The following DAB1 variants were observed in gnomAD, a reference collection of about 807,000 sequenced individuals.
The protein encoded by DAB1 is disabled homolog 1.
In DAB1, 15 loss-of-function variants were observed where a neutral mutation model predicts 64.6. The observed-to-expected ratio is 0.23, with a 90% CI of 0.16 to 0.36. DAB1 has a LOEUF of 0.36. DAB1 is among the 10% of genes least tolerant of loss of function. DAB1 has a pLI of 1.00. For missense variants in DAB1, 596 were observed against 706.7 expected (o/e 0.84, Z 1.78); for synonymous variants, 235 against 251.9 (o/e 0.93, Z 0.64).
At chr1:57,312,221 G>A (rs1181660533) in intron 1 of DAB1, among the ~76,000 whole-genome samples, 1 of 152,210 alleles carries the variant, frequency 6.6e-6, no homozygotes, top group Non-Finnish European at 1.5e-5. Context: ...AGAACTAGAT[G>A]AGAGTTTAGA....
rs976367357 is a variant in DAB1 at position 57,735,216 on chromosome 1, C to A, written n.552-85551G>T. 7.9e-5 allele frequency among the ~76,000 whole-genome samples: 12 copies of A among 152,058 alleles called. No homozygotes were observed. The South Asian group carries it at 8.3e-4, about 11-fold the overall frequency. ...AGGTGAAGAATTGAAAAGACGACTG[C>A]CTTTGTGATTAAGGGACCAAGTTTT... On this transcript the variant is annotated intron_variant and non_coding_transcript_variant, in intron 6 of 20. Transcript: ENST00000485760.
chr1:58,298,130 G>A (rs17117277), intron 4 of DAB1, among the ~76,000 whole-genome samples: 3,904 of 152,256 alleles, frequency 0.026, 65 homozygotes, highest in East Asian at 0.04. Context: ...TTGTATCTTT[G>A]CAATCTTTCT....
At chr1:57,717,887 T>A (rs1012848654) in intron 6 of DAB1, among the ~76,000 whole-genome samples, 1 of 152,050 alleles carries the variant, frequency 6.6e-6, no homozygotes, top group African/African-American at 2.4e-5. Context: ...AAGACAAAAA[T>A]CTTATAATCT....
intron 1 of DAB1, among the ~76,000 whole-genome samples, chr1:57,375,739 C>A (rs1430032218): frequency 2.0e-5 from 3 of 152,186 alleles, no homozygotes; most frequent in African/African-American, 7.2e-5. Flanking sequence ...TAGCCTCATG[C>A]ATGTGTGTCT....
At chr1:57,512,776 A>G (rs900741886) in intron 7 of DAB1, among the ~76,000 whole-genome samples, 1 of 152,218 alleles carries the variant, frequency 6.6e-6, no homozygotes, top group Admixed American at 6.5e-5. Flanking sequence ...GTGGACTGTT[A>G]AAAGCAAATG....
intron 4 of DAB1, among the ~76,000 whole-genome samples, chr1:58,173,563 A>C (rs138774711): frequency 0.015 from 2,218 of 152,186 alleles, 41 homozygotes; most frequent in Middle Eastern, 0.041. Context: ...TTTTTTCTCC[A>C]ATGGGAAAAT....
chr1:57,679,898 G>C (rs890640602), intron 6 of DAB1, among the ~76,000 whole-genome samples: 13 of 152,144 alleles, frequency 8.5e-5, no homozygotes, highest in African/African-American at 3.1e-4. Context: ...AACCCCATGA[G>C]GTTGGTACTG....
At chr1:57,885,651 C>G (rs1644210965), upstream of DAB1, among the ~76,000 whole-genome samples, 1 of 152,132 alleles carries the variant, frequency 6.6e-6, no homozygotes, top group African/African-American at 2.4e-5. Context: ...ACCCCTTTCA[C>G]TAGAAAAAGT....
At chr1:57,003,967 G>GT (rs970734730) in intron 14 of DAB1, among the ~76,000 whole-genome samples, 3 of 152,126 alleles carry the variant, frequency 2.0e-5, no homozygotes, top group African/African-American at 7.2e-5. Flanking sequence ...GACTAGGTTT[G>GT]TTTTTTCTAG....
chr1:57,247,504 T>C (rs1668975467), intron 2 of DAB1, among the ~76,000 whole-genome samples: 1 of 152,196 alleles, frequency 6.6e-6, no homozygotes, highest in South Asian at 2.1e-4. Flanking sequence ...CCACTCTCAT[T>C]TAGTTCTTTA....
At chr1:57,464,415 G>C (rs1196516397) in intron 7 of DAB1, among the ~76,000 whole-genome samples, 2 of 152,042 alleles carry the variant, frequency 1.3e-5, no homozygotes, top group Non-Finnish European at 2.9e-5. Flanking sequence ...AGCTGTCTTT[G>C]ATTTCCTACT....
chr1:57,998,604 T>G (rs780284848), intron 5 of DAB1, among the ~76,000 whole-genome samples: 1 of 152,128 alleles, frequency 6.6e-6, no homozygotes, highest in African/African-American at 2.4e-5. Flanking sequence ...CCTCAGGTGA[T>G]CCACCTGCCT....
At chr1:58,426,610 G>C (rs1328582736) in intron 3 of DAB1, among the ~76,000 whole-genome samples, 5 of 151,530 alleles carry the variant, frequency 3.3e-5, no homozygotes, top group Admixed American at 6.6e-5. Flanking sequence ...TCCAAAGGCA[G>C]GAAAAAAGGC....
intron 4 of DAB1, among the ~76,000 whole-genome samples, chr1:57,091,834 AC>A (rs1476618050): frequency 6.6e-6 from 1 of 152,106 alleles, no homozygotes; most frequent in Non-Finnish European, 1.5e-5. Flanking sequence ...AATAAATGTT[AC>A]CTAAGTGTGT....
intron 4 of DAB1, among the ~76,000 whole-genome samples, chr1:58,188,883 G>C (rs966733454): frequency 6.6e-6 from 1 of 152,146 alleles, no homozygotes; most frequent in African/African-American, 2.4e-5. Flanking sequence ...TTGTGTACCT[G>C]AATTTCATGG....
intron 4 of DAB1, among the ~76,000 whole-genome samples, chr1:58,272,483 C>G (rs573413667): frequency 1.6e-3 from 178 of 110,418 alleles, no homozygotes; most frequent in African/African-American, 2.2e-3. Flanking sequence ...GTGTGGTGCT[C>G]AAAAAAATGT....
chr1:58,216,403 C>T (rs905884087), intron 4 of DAB1, among the ~76,000 whole-genome samples: 1 of 152,132 alleles, frequency 6.6e-6, no homozygotes, highest in Non-Finnish European at 1.5e-5. Context: ...TGAATATGTG[C>T]CACATTTTCC....
chr1:58,392,260 T>C (rs1644481796), intron 3 of DAB1, among the ~76,000 whole-genome samples: 1 of 152,228 alleles, frequency 6.6e-6, no homozygotes, highest in Non-Finnish European at 1.5e-5. Context: ...CACCTCTGCA[T>C]GTACCTCTCA....
At chr1:58,477,503 A>C (rs168101) in intron 3 of DAB1, among the ~76,000 whole-genome samples, 87,347 of 151,824 alleles carry the variant, frequency 0.58, 27,480 homozygotes, top group African/African-American at 0.83. Flanking sequence ...CATACCCATC[A>C]TCAGCTTGAA....
Sources: gnomAD v4.1 joint callset for allele counts (sites outside exome capture counted in the v4.1 genomes callset) on GRCh38, gnomAD v4.1.1 for gene constraint, MANE v1.5 for transcripts, NCBI Gene and HGNC (gene_info 2026-07-23, HGNC 2026-07-21) for gene names.